CDH12: variants seen among roughly 807,000 people sequenced by gnomAD.
CDH12 encodes cadherin 12, also known as cadherin-12.
A neutral mutation model predicts 74.1 loss-of-function variants in CDH12; 41 were observed. That is an observed-to-expected ratio of 0.55 (90% confidence interval 0.43 to 0.72). The LOEUF (loss-of-function observed/expected upper bound fraction) is 0.72. CDH12 is among the 30% of genes least tolerant of loss of function. CDH12 has a pLI of 0.00. For synonymous variants in CDH12, 399 were observed against 355.0 expected (o/e 1.12, Z -1.39); for missense variants, 945 against 977.2 (o/e 0.97, Z 0.44).
intron 3 of CDH12, among the ~76,000 whole-genome samples, chr5:22,314,666 T>C (rs887840035): frequency 1.3e-5 from 2 of 151,934 alleles, no homozygotes; most frequent in African/African-American, 4.8e-5. Context: ...GGACGCTGAG[T>C]GAAGGGCGCT....
chr5:22,486,821 T>C (rs1746622261), intron 2 of CDH12, among the ~76,000 whole-genome samples: 2 of 152,002 alleles, frequency 1.3e-5, no homozygotes. Context: ...AAACCAGACA[T>C]AATTATGGGT....
chr5:22,814,643 T>C (rs1749302084), intron 1 of CDH12, among the ~76,000 whole-genome samples: 1 of 152,198 alleles, frequency 6.6e-6, no homozygotes, highest in Non-Finnish European at 1.5e-5. Context: ...TAATTTTTAG[T>C]TGTATTTGTA....
intron 3 of CDH12, among the ~76,000 whole-genome samples, chr5:22,392,618 A>G (rs1315212761): frequency 6.6e-6 from 1 of 152,230 alleles, no homozygotes; most frequent in East Asian, 1.9e-4. Context: ...CAGTGAGGCC[A>G]GAGAGGTATC....
At chr5:22,144,576 G>A (rs1415723514) in intron 4 of CDH12, among the ~76,000 whole-genome samples, 1 of 152,076 alleles carries the variant, frequency 6.6e-6, no homozygotes, top group Non-Finnish European at 1.5e-5. Flanking sequence ...GGATAAAAAT[G>A]TGCAGTGTGT....
intron 1 of CDH12, among the ~76,000 whole-genome samples, chr5:22,675,776 T>C (rs549732327): frequency 6.7e-6 from 1 of 150,030 alleles, no homozygotes; most frequent in South Asian, 2.1e-4. Flanking sequence ...TTTTTGTAAA[T>C]TGCCCAGTCT....
intron 1 of CDH12, among the ~76,000 whole-genome samples, chr5:22,525,399 C>T (rs1353402480): frequency 6.6e-6 from 1 of 151,834 alleles, no homozygotes; most frequent in Non-Finnish European, 1.5e-5. Flanking sequence ...CCATCTACAT[C>T]AGGAAGCAAT....
At chr5:22,412,337 C>T (rs577762555) in intron 2 of CDH12, among the ~76,000 whole-genome samples, 18 of 152,022 alleles carry the variant, frequency 1.2e-4, no homozygotes, top group East Asian at 1.2e-3. Flanking sequence ...TTTCAAAGTT[C>T]TATTGCAATT....
At chr5:21,833,263 A>ATAATATATATTATATGTTATATAACATG (rs1749273259) in intron 8 of CDH12, among the ~76,000 whole-genome samples, 1 of 37,390 alleles carries the variant, frequency 2.7e-5, no homozygotes, top group South Asian at 8.4e-4. Flanking sequence ...TATATAACAT[A>ATAATATATATTATATGTTATATAACATG]TAATATATAT....
chr5:22,326,327 CG>C (rs763836926), intron 3 of CDH12, among the ~76,000 whole-genome samples: 65 of 151,998 alleles, frequency 4.3e-4, no homozygotes, highest in Non-Finnish European at 5.6e-4. Context: ...CTCCGCCCCC[CG>C]GGGTTCACGC....
intron 1 of CDH12, among the ~76,000 whole-genome samples, chr5:22,687,287 C>T (rs763750872): frequency 5.3e-5 from 8 of 149,736 alleles, no homozygotes; most frequent in East Asian, 2.0e-4. Context: ...AGTGAAACTC[C>T]GTCTAAAAAA....
intron 3 of CDH12, among the ~76,000 whole-genome samples, chr5:22,228,744 A>C (rs1159124065): frequency 6.6e-6 from 1 of 152,114 alleles, no homozygotes; most frequent in Non-Finnish European, 1.5e-5. Context: ...TCCCTTAATC[A>C]GATATGAGAG....
At chr5:22,245,273 G>C (rs1480006569) in intron 3 of CDH12, among the ~76,000 whole-genome samples, 1 of 152,116 alleles carries the variant, frequency 6.6e-6, no homozygotes, top group South Asian at 2.1e-4. Flanking sequence ...ATGGCTTTGG[G>C]AGAACATTTT....
At chr5:22,411,416 T>C (rs1743165170) in intron 2 of CDH12, among the ~76,000 whole-genome samples, 1 of 151,734 alleles carries the variant, frequency 6.6e-6, no homozygotes, top group Non-Finnish European at 1.5e-5. Context: ...AGGAAAGAGG[T>C]TTCACACCTT....
intron 1 of CDH12, among the ~76,000 whole-genome samples, chr5:22,687,826 C>G (rs984920947): frequency 7.9e-5 from 12 of 152,088 alleles, no homozygotes; most frequent in Non-Finnish European, 1.3e-4. Flanking sequence ...AAAAGATTAT[C>G]TGAATATAGT....
At chr5:22,295,125 T>G (rs1737566739) in intron 3 of CDH12, among the ~76,000 whole-genome samples, 2 of 152,162 alleles carry the variant, frequency 1.3e-5, no homozygotes, top group Non-Finnish European at 2.9e-5. Context: ...TTCAGCAAAG[T>G]TGACGTCACT....
intron 3 of CDH12, among the ~76,000 whole-genome samples, chr5:22,275,084 A>G (rs1039562705): frequency 7.2e-5 from 11 of 152,090 alleles, no homozygotes; most frequent in Non-Finnish European, 1.5e-5. Flanking sequence ...GGCAAACAAG[A>G]AAAGGACACA....
intron 5 of CDH12, among the ~76,000 whole-genome samples, chr5:21,980,266 T>A (rs902225984): frequency 6.6e-6 from 1 of 152,040 alleles, no homozygotes; most frequent in Non-Finnish European, 1.5e-5. Flanking sequence ...AATATGCATC[T>A]TTTTGTAGTA....
At position 22,204,179 on chromosome 5, in the gene CDH12, T is replaced by G. The variant is rs531958932; in HGVS notation, c.-187+8319A>C. The stretch of plus-strand genomic sequence containing the variant: ...TTTTGTTTGTTTTTTTTTTTTTGTT[T>G]TTTGTTTTTTTGAGACGGAGTCTCC... On this transcript the variant is annotated intron_variant, in intron 4 of 14. Transcript: ENST00000382254. Among the ~76,000 whole-genome samples, 1,084 of 150,222 alleles carry G rather than the reference T, an allele frequency of 7.2e-3. 9 individuals carry two copies. Among genetic ancestry groups the G allele is most frequent in the South Asian group, 0.013 (63 of 4,740 alleles).
At chr5:22,666,280 A>ATTT (rs1740609513) in intron 1 of CDH12, among the ~76,000 whole-genome samples, 1 of 115,070 alleles carries the variant, frequency 8.7e-6, no homozygotes, top group African/African-American at 3.5e-5. Flanking sequence ...GTATCTCTCT[A>ATTT]TCTTTTTTTT....
Sources: allele counts gnomAD v4.1 joint callset (sites outside exome capture counted in the v4.1 genomes callset), GRCh38; gene constraint gnomAD v4.1.1; transcripts MANE v1.5; gene names NCBI Gene and HGNC (gene_info 2026-07-23, HGNC 2026-07-21).